Variants in PCDHGA6 observed in about 807,000 individuals in gnomAD.
PCDHGA6 encodes the protein protocadherin gamma subfamily A, 6, also known as protocadherin gamma-A6.
A neutral mutation model predicts 60.6 loss-of-function variants in PCDHGA6; 41 were observed. That is an observed-to-expected ratio of 0.68 (90% CI 0.53 to 0.88). PCDHGA6 has a LOEUF of 0.88. Among genes scored for constraint, PCDHGA6 ranks in the 40% least tolerant of loss-of-function variants. The pLI is 0.00. For missense variants in PCDHGA6, 1,312 were observed against 1,203.0 expected, an observed-to-expected ratio of 1.09 and a Z score of -1.34; for synonymous variants, 594 against 524.4, an observed-to-expected ratio of 1.13 and a Z score of -1.81.
intron 1 of PCDHGA6, chr5:141,409,583 G>A (rs1221824873): frequency 1.2e-6 from 2 of 1,613,920 alleles, no homozygotes; most frequent in African/African-American, 1.3e-5. Flanking sequence ...CGTGGTCCAC[G>A]TGGCCGAGAA....
intron 1 of PCDHGA6, chr5:141,393,647 A>T: frequency 6.2e-7 from 1 of 1,613,964 alleles, no homozygotes; most frequent in Non-Finnish European, 8.5e-7. Context: ...GAAAAGTGGC[A>T]TACAAATTCC....
At chr5:141,449,450 T>C (rs1269861041) in intron 1 of PCDHGA6, among the ~76,000 whole-genome samples, 2 of 151,216 alleles carry the variant, frequency 1.3e-5, no homozygotes, top group Non-Finnish European at 2.9e-5. Context: ...CTACTAAAAA[T>C]ACAAAAATTA....
At chr5:141,418,489 G>C (rs774653264) in intron 1 of PCDHGA6, 26 of 1,613,874 alleles carry the variant, frequency 1.6e-5, no homozygotes, top group Admixed American at 1.5e-4. Context: ...CTCACCACTT[G>C]GTACTGACCG....
Position 141,491,045 on chromosome 5 carries a change from A to G in PCDHGA6, c.2425-3762A>G, listed in dbSNP as rs1452139285. 2 of 1,613,970 alleles carry G rather than the reference A, an allele frequency of 1.2e-6. No individual in the cohort carries two copies. The highest frequency in any genetic ancestry group is 1.1e-5 in the South Asian group (1 of 91,090). On this transcript the variant is annotated intron_variant, in intron 1 of 3. Coordinates refer to ENST00000517434, the MANE Select transcript of PCDHGA6 (RefSeq NM_018919.3). This position sits in a 1 kb window ranked among gnomAD's most constrained non-coding sequence, Gnocchi z 6.9. ...GCCGTGGATGCTGATGCAGGCCACA[A>G]TGCGTGGCTCTCCTACTCACTGTTG...
intron 1 of PCDHGA6, chr5:141,427,909 C>G: frequency 6.3e-7 from 1 of 1,576,922 alleles, no homozygotes; most frequent in Non-Finnish European, 8.7e-7. Context: ...GCGCTCAGCG[C>G]CAACATGAGC....
At chr5:141,403,588 C>T in intron 1 of PCDHGA6, 1 of 1,613,904 alleles carries the variant, frequency 6.2e-7, no homozygotes, top group South Asian at 1.1e-5. Flanking sequence ...ACCTGGTCCT[C>T]ACGGCCTCGG....
At chr5:141,418,604 G>A in intron 1 of PCDHGA6, 2 of 1,614,040 alleles carry the variant, frequency 1.2e-6, no homozygotes, top group Non-Finnish European at 1.7e-6. Context: ...CGTGTACAGG[G>A]TTAGCCTTCG....
chr5:141,421,243 C>T (rs201273667), intron 1 of PCDHGA6: 12 of 1,601,540 alleles, frequency 7.5e-6, no homozygotes, highest in Non-Finnish European at 1.0e-5. Flanking sequence ...GAATCGGCTA[C>T]AGCGCGGGGA....
chr5:141,376,646 G>A (rs1394499987), intron 1 of PCDHGA6, 139 bp downstream of exon 1: 17 of 1,002,858 alleles, frequency 1.7e-5, no homozygotes, highest in Non-Finnish European at 2.3e-5. Flanking sequence ...TTTGTAAAGT[G>A]GAAGACTCCC....
At chr5:141,481,982 G>A (rs1378873905) in intron 1 of PCDHGA6, among the ~76,000 whole-genome samples, 2 of 151,628 alleles carry the variant, frequency 1.3e-5, no homozygotes, top group African/African-American at 2.4e-5. Context: ...CTACTTGGGA[G>A]GTTGAAGCAG....
chr5:141,460,277 A>C (rs2154566827), intron 1 of PCDHGA6, among the ~76,000 whole-genome samples: 1 of 152,124 alleles, frequency 6.6e-6, no homozygotes, highest in African/African-American at 2.4e-5. Context: ...TTTCTTTTAT[A>C]GTTTGTATTT....
At chr5:141,393,821 G>T (rs2240700) in intron 1 of PCDHGA6, 228,339 of 1,613,716 alleles carry the variant, frequency 0.14, 18,414 homozygotes, top group African/African-American at 0.32. Context: ...TGCTCATTTC[G>T]GTGGAAGATG....
intron 1 of PCDHGA6, chr5:141,419,522 C>T (rs781128524): frequency 1.5e-5 from 24 of 1,612,178 alleles, no homozygotes; most frequent in Non-Finnish European, 1.9e-5. Flanking sequence ...GGTGGGCGAC[C>T]GTAACGACAA....
intron 1 of PCDHGA6, chr5:141,393,113 G>C: frequency 6.2e-7 from 1 of 1,613,500 alleles, no homozygotes. Flanking sequence ...CTCAGAGCCC[G>C]CGGTGTCTGA....
rs547172009 is a variant in PCDHGA6 at position 141,376,517 on chromosome 5, T to C, written c.2424+10T>C. ...ACCCAGGCAACTTCAGGTGAGTTTC[T>C]TTCCGCCTAAGCGGGAAGAGTAATC... is the stretch of plus-strand genomic sequence containing the variant. On this transcript the variant is annotated intron_variant, in intron 1 of 3. Coordinates refer to ENST00000517434, the MANE Select transcript of PCDHGA6 (RefSeq NM_018919.3). 6.2e-7 allele frequency: 1 copy of C among 1,613,950 alleles called. No individual in the cohort carries two copies. Among genetic ancestry groups the C allele is most frequent in the East Asian group, 2.2e-5 (1 of 44,874 alleles).
intron 1 of PCDHGA6, chr5:141,430,569 G>A (rs1252716330): frequency 4.5e-6 from 2 of 439,930 alleles, no homozygotes; most frequent in African/African-American, 4.1e-5. Flanking sequence ...GGAGAGAAAA[G>A]CGGAGATCCT....
chr5:141,506,935 G>A (rs1375246477), intron 3 of PCDHGA6, among the ~76,000 whole-genome samples: 3 of 152,116 alleles, frequency 2.0e-5, no homozygotes, highest in African/African-American at 7.2e-5. Context: ...AACTTTAGGG[G>A]CCTCCTGTCA....
chr5:141,457,023 A>G (rs1339517071), intron 1 of PCDHGA6, among the ~76,000 whole-genome samples: 1 of 152,228 alleles, frequency 6.6e-6, no homozygotes, highest in Non-Finnish European at 1.5e-5. Flanking sequence ...AAAAAGTCCT[A>G]GTAGACTCAG....
chr5:141,477,819 T>C lies in PCDHGA6; in HGVS notation c.2425-16988T>C. 1.9e-6 allele frequency: 3 copies of C among 1,614,138 alleles called. No individual in the cohort carries two copies. The highest frequency in any genetic ancestry group is 2.5e-6 in the Non-Finnish European group (3 of 1,180,030). On this transcript the variant is annotated intron_variant, in intron 1 of 3. Transcript: ENST00000517434. The surrounding 1 kb of genome is among the most constrained non-coding windows in gnomAD (Gnocchi z 4.9). ...CGCAATGACAATGCCCCCCAGGTCC[T>C]ATATCCTCGGCCAGGTGGGAGCTCG...
Sources: allele counts gnomAD v4.1 joint callset (sites outside exome capture counted in the v4.1 genomes callset), GRCh38; gene constraint gnomAD v4.1.1; non-coding constraint Gnocchi (gnomAD v3.1); transcripts MANE v1.5; gene names NCBI Gene and HGNC (gene_info 2026-07-23, HGNC 2026-07-21).